The following SUGCT variants were observed in gnomAD, a reference collection of about 807,000 sequenced individuals.
SUGCT encodes succinyl-CoA:glutarate-CoA transferase.
In SUGCT, 41 loss-of-function variants were observed where a neutral mutation model predicts 55.0. The ratio of observed to expected loss-of-function variants is 0.74; its 90% CI spans 0.58 to 0.97. SUGCT has a LOEUF of 0.97. Among genes scored for constraint, SUGCT ranks in the 50% least tolerant of loss-of-function variants. SUGCT has a pLI of 0.00. For missense variants in SUGCT, 568 were observed against 547.8 expected (o/e 1.04, Z -0.37); for synonymous variants, 187 against 200.4 (o/e 0.93, Z 0.56).
chr7:40,355,280 C>G (rs544292851), intron 9 of SUGCT, among the ~76,000 whole-genome samples: 1 of 152,328 alleles, frequency 6.6e-6, no homozygotes, highest in South Asian at 2.1e-4. Flanking sequence ...TTCCTAATGT[C>G]ATAAACTTGT....
chr7:40,604,086 G>A (rs2151758585), intron 12 of SUGCT, among the ~76,000 whole-genome samples: 1 of 152,182 alleles, frequency 6.6e-6, no homozygotes, highest in East Asian at 1.9e-4. Context: ...GAGTGGGGGA[G>A]GTTCCTCAAT....
intron 7 of SUGCT, among the ~76,000 whole-genome samples, chr7:40,255,640 G>A (rs866623227): frequency 7.0e-6 from 1 of 142,852 alleles, no homozygotes; most frequent in African/African-American, 2.7e-5. Flanking sequence ...CAGCCTGGGC[G>A]GCTGAGTGAG....
chr7:40,228,260 C>G (rs1788506018), intron 6 of SUGCT, among the ~76,000 whole-genome samples: 1 of 152,040 alleles, frequency 6.6e-6, no homozygotes, highest in Non-Finnish European at 1.5e-5. Context: ...TCCCAATTCT[C>G]TCTCTCTTTT....
rs536989711 is a variant in SUGCT at position 40,321,189 on chromosome 7, C to A, written c.816+4334C>A. 4.0e-5 allele frequency among the ~76,000 whole-genome samples: 6 copies of A among 150,808 alleles called. 1 individual carries two copies. Among genetic ancestry groups the A allele is most frequent in the Admixed American group, 4.0e-4 (6 of 15,154 alleles). On this transcript the variant is annotated intron_variant, in intron 9 of 13. Transcript: ENST00000335693. ...CTCCTCGGTTCAAGTGATTCTCCCC[C>A]CTCGGCCTCCTGAGTAGCTGGGATT...
intron 12 of SUGCT, among the ~76,000 whole-genome samples, chr7:40,580,659 CA>C (rs973422306): frequency 4.8e-4 from 73 of 152,294 alleles, no homozygotes; most frequent in African/African-American, 1.7e-3. Flanking sequence ...AAGAAAGGCA[CA>C]GGACATTTCT....
the SUGCT span, among the ~76,000 whole-genome samples, chr7:40,967,583 C>T: frequency 2.0e-5 from 3 of 152,156 alleles, no homozygotes; most frequent in Admixed American, 2.0e-4. Context: ...TGAATGTCCT[C>T]TTCCAAATTA....
chr7:40,541,384 C>G (rs1031035192), intron 12 of SUGCT, among the ~76,000 whole-genome samples: 3 of 152,164 alleles, frequency 2.0e-5, no homozygotes, highest in Non-Finnish European at 4.4e-5. Flanking sequence ...ATAAGATTAC[C>G]TATTCCTGTG....
intron 8 of SUGCT, among the ~76,000 whole-genome samples, chr7:40,315,744 T>C (rs1795391674): frequency 6.6e-6 from 1 of 152,188 alleles, no homozygotes; most frequent in Non-Finnish European, 1.5e-5. Context: ...TTGTAGGTTT[T>C]CCAATCGCAT....
At chr7:40,233,445 T>TCCTGA (rs1788837000) in intron 6 of SUGCT, among the ~76,000 whole-genome samples, 1 of 152,066 alleles carries the variant, frequency 6.6e-6, no homozygotes, top group South Asian at 2.1e-4. Context: ...TGTCTTGAGC[T>TCCTGA]CCTGACCTAG....
At chr7:40,818,791 G>C (rs761066273) in intron 13 of SUGCT, among the ~76,000 whole-genome samples, 14 of 151,942 alleles carry the variant, frequency 9.2e-5, no homozygotes, top group Non-Finnish European at 2.1e-4. Flanking sequence ...TAAGTTCTAG[G>C]GTACATGTGC....
intron 12 of SUGCT, among the ~76,000 whole-genome samples, chr7:40,583,191 T>C (rs1797194431): frequency 6.6e-6 from 1 of 152,176 alleles, no homozygotes; most frequent in Non-Finnish European, 1.5e-5. Flanking sequence ...CTTTAAAGTA[T>C]TTAAACTCAA....
Position 40,508,542 on chromosome 7 carries a change from T to G in SUGCT, c.1089+12156T>G, listed in dbSNP as rs116220588. 5.4e-3 allele frequency among the ~76,000 whole-genome samples: 821 copies of G among 152,276 alleles called. 8 individuals are homozygous for G. The highest frequency in any genetic ancestry group is 0.018 in the African/African-American group (767 of 41,566). ...TAGACTGCCTCGGTTAAAGCTTTTG[T>G]AATGCAGAGGTGTAGAGCTTGGTAG... is the stretch of plus-strand genomic sequence containing the variant. On this transcript the variant is annotated intron_variant, in intron 12 of 13. Coordinates refer to ENST00000335693, the MANE Select transcript of SUGCT (RefSeq NM_001193313.2).
At chr7:40,970,621 GA>G in the SUGCT span, among the ~76,000 whole-genome samples, 3 of 152,204 alleles carry the variant, frequency 2.0e-5, no homozygotes, top group Non-Finnish European at 2.9e-5. Context: ...AAAGTTCTGA[GA>G]AATACAAAAG....
At chr7:40,940,736 C>A in the SUGCT span, among the ~76,000 whole-genome samples, 1 of 152,028 alleles carries the variant, frequency 6.6e-6, no homozygotes, top group African/African-American at 2.4e-5. Flanking sequence ...ATTTTGTAAC[C>A]TGAGACTTTA....
At chr7:40,618,662 T>C (rs1378554723) in intron 12 of SUGCT, among the ~76,000 whole-genome samples, 1 of 152,202 alleles carries the variant, frequency 6.6e-6, no homozygotes, top group Non-Finnish European at 1.5e-5. Flanking sequence ...TGATTTATTA[T>C]TTATTTGTAT....
chr7:40,365,263 C>G (rs866320317), intron 9 of SUGCT, among the ~76,000 whole-genome samples: 8 of 152,112 alleles, frequency 5.3e-5, no homozygotes, highest in African/African-American at 1.7e-4. Context: ...GGATGTATCT[C>G]AAAATAATAA....
At chr7:40,824,587 A>C (rs895313123) in intron 13 of SUGCT, among the ~76,000 whole-genome samples, 10 of 152,198 alleles carry the variant, frequency 6.6e-5, no homozygotes, top group Admixed American at 2.0e-4. Flanking sequence ...ATCTCAAGTA[A>C]TGATTTCTTG....
intron 12 of SUGCT, among the ~76,000 whole-genome samples, chr7:40,628,314 A>T (rs1799620913): frequency 6.6e-6 from 1 of 152,238 alleles, no homozygotes; most frequent in African/African-American, 2.4e-5. Flanking sequence ...CATCAGAGGT[A>T]TGCTAGGCGG....
At chr7:40,762,353 G>A (rs143689207) in intron 13 of SUGCT, among the ~76,000 whole-genome samples, 1,788 of 152,330 alleles carry the variant, frequency 0.012, 23 homozygotes, top group Non-Finnish European at 0.018. Context: ...TGATTAAGGG[G>A]TAGGTTTTAA....
Sources: gnomAD v4.1 joint callset for allele counts (sites outside exome capture counted in the v4.1 genomes callset) on GRCh38, gnomAD v4.1.1 for gene constraint, MANE v1.5 for transcripts, NCBI Gene and HGNC (gene_info 2026-07-23, HGNC 2026-07-21) for gene names.